Variants in PAPPA2 observed in about 807,000 individuals in gnomAD.
PAPPA2 encodes pappalysin-2.
In PAPPA2, 86 loss-of-function variants were observed where a neutral mutation model predicts 176.4. The observed-to-expected ratio is 0.49, with a 90% CI of 0.41 to 0.58. PAPPA2 has a LOEUF of 0.58. Among genes scored for constraint, PAPPA2 ranks in the 20% least tolerant of loss-of-function variants. The pLI is 0.00. For missense variants in PAPPA2, 2,073 were observed against 2,256.9 expected, an observed-to-expected ratio of 0.92 and a Z score of 1.65; for synonymous variants, 809 against 852.2, an observed-to-expected ratio of 0.95 and a Z score of 0.88.
At chr1:176,827,783 C>T (rs535989492) in intron 21 of PAPPA2, among the ~76,000 whole-genome samples, 24 of 152,018 alleles carry the variant, frequency 1.6e-4, no homozygotes, top group African/African-American at 5.5e-4. Flanking sequence ...ATCAAATATC[C>T]CAGGATTCTA....
chr1:176,628,759 A>G (rs1292882839), intron 3 of PAPPA2, among the ~76,000 whole-genome samples: 1 of 152,222 alleles, frequency 6.6e-6, no homozygotes, highest in Non-Finnish European at 1.5e-5. Flanking sequence ...CATTTGCTTT[A>G]TCATTTGGAA....
chr1:176,713,678 C>G (rs1008246630), intron 12 of PAPPA2, among the ~76,000 whole-genome samples: 9 of 151,818 alleles, frequency 5.9e-5, no homozygotes, highest in Non-Finnish European at 1.0e-4. Context: ...CTGTTCAGTC[C>G]CCCCAGGCCC....
chr1:176,648,966 T>C (rs1254838979), intron 3 of PAPPA2, among the ~76,000 whole-genome samples: 1 of 151,600 alleles, frequency 6.6e-6, no homozygotes, highest in East Asian at 1.9e-4. Context: ...TTGGAAGTAT[T>C]CTCTCCTCTT....
intron 1 of PAPPA2, among the ~76,000 whole-genome samples, chr1:176,517,209 C>T (rs994834690): frequency 6.6e-6 from 1 of 152,106 alleles, no homozygotes; most frequent in African/African-American, 2.4e-5. Flanking sequence ...GCCTGCCTTG[C>T]TTTGACTGGT....
At chr1:176,686,218 G>A (rs1282994461) in intron 4 of PAPPA2, among the ~76,000 whole-genome samples, 2 of 152,060 alleles carry the variant, frequency 1.3e-5, no homozygotes, top group African/African-American at 4.8e-5. Flanking sequence ...ATTAAGGGAG[G>A]GTGTTTAATT....
chr1:176,604,125 G>C (rs1463649936), intron 3 of PAPPA2, among the ~76,000 whole-genome samples: 1 of 152,110 alleles, frequency 6.6e-6, no homozygotes, highest in African/African-American at 2.4e-5. Flanking sequence ...TTTCTACACA[G>C]CTAACTTTCC....
At chr1:176,692,373 A>G (rs1660160254) in intron 6 of PAPPA2, 55 bp downstream of exon 6, 1 of 1,484,582 alleles carries the variant, frequency 6.7e-7, no homozygotes, top group Non-Finnish European at 9.3e-7. Flanking sequence ...GGCATTTCAT[A>G]TGAATGAGGG....
chr1:176,645,259 C>G (rs1043955410), intron 3 of PAPPA2, among the ~76,000 whole-genome samples: 4 of 151,756 alleles, frequency 2.6e-5, no homozygotes, highest in Non-Finnish European at 5.9e-5. Context: ...TCTATCATTC[C>G]TGGCCTCTGG....
chr1:176,740,729 T>C (rs1040984111), intron 14 of PAPPA2, among the ~76,000 whole-genome samples: 1 of 152,192 alleles, frequency 6.6e-6, no homozygotes. Flanking sequence ...TGAGGTTCAC[T>C]AGCATCTCAG....
chr1:176,573,514 A>T (rs1288580401), intron 2 of PAPPA2, among the ~76,000 whole-genome samples: 1 of 152,230 alleles, frequency 6.6e-6, no homozygotes, highest in Non-Finnish European at 1.5e-5. Context: ...CTTGAAGGTT[A>T]TTAAAAATGA....
chr1:176,789,996 A>G lies in PAPPA2; in HGVS notation c.4884+19A>G. ...TGAAAAGGTAAGGAACATTTTTTGAACTTATTTTCATCAGGCTGTGCTCTA... is the reference window on the plus strand; with the variant it reads ...TGAAAAGGTAAGGAACATTTTTTGAGCTTATTTTCATCAGGCTGTGCTCTA... On this transcript the variant is annotated intron_variant, in intron 18 of 22. Coordinates refer to ENST00000367662, the MANE Select transcript of PAPPA2 (RefSeq NM_020318.3). The G allele has an allele frequency of 1.2e-6, 2 of 1,611,226 alleles. No individual in the cohort carries two copies. The highest frequency in any genetic ancestry group is 1.7e-6 in the Non-Finnish European group (2 of 1,177,926).
chr1:176,785,620 C>A (rs978317194), intron 17 of PAPPA2, among the ~76,000 whole-genome samples: 2 of 152,122 alleles, frequency 1.3e-5, no homozygotes, highest in Non-Finnish European at 2.9e-5. Flanking sequence ...AGTCTGGGTC[C>A]GGTGTAACTG....
chr1:176,531,213 G>A (rs1649787504), intron 1 of PAPPA2, among the ~76,000 whole-genome samples: 1 of 152,206 alleles, frequency 6.6e-6, no homozygotes, highest in Non-Finnish European at 1.5e-5. Context: ...GATTCTGCCT[G>A]TTTCCAGTAG....
chr1:176,643,771 A>G (rs1204800583), intron 3 of PAPPA2, among the ~76,000 whole-genome samples: 2 of 151,832 alleles, frequency 1.3e-5, no homozygotes, highest in Non-Finnish European at 2.9e-5. Flanking sequence ...TCAGCCAACA[A>G]ACGATCCTCA....
Position 176,670,963 on chromosome 1 carries a change from T to G in PAPPA2, c.1992-7T>G. 6.2e-7 allele frequency: 1 copy of G among 1,613,100 alleles called. No homozygotes were observed. Among genetic ancestry groups the G allele is most frequent in the Non-Finnish European group, 8.5e-7 (1 of 1,179,504 alleles). On this transcript the variant is annotated splice_polypyrimidine_tract_variant and splice_region_variant and intron_variant, in intron 3 of 22. Coordinates refer to ENST00000367662, the MANE Select transcript of PAPPA2 (RefSeq NM_020318.3). ...TGTGACATTTTTTCATCTTGCATGC[T>G]CTCTAGGGCATACATGAGTGTGAAG...
At chr1:176,712,034 T>C (rs1222544656) in intron 12 of PAPPA2, 53 bp downstream of exon 12, 1 of 1,452,312 alleles carries the variant, frequency 6.9e-7, no homozygotes, top group Non-Finnish European at 9.4e-7. Context: ...AGCATATGTG[T>C]GTGTGTGTGT....
At chr1:176,831,429 G>C (rs1258210747) in intron 21 of PAPPA2, among the ~76,000 whole-genome samples, 1 of 152,204 alleles carries the variant, frequency 6.6e-6, no homozygotes, top group Non-Finnish European at 1.5e-5. Flanking sequence ...CTGTCCTTAA[G>C]GAGCCAGGCT....
intron 4 of PAPPA2, among the ~76,000 whole-genome samples, chr1:176,674,936 T>C (rs1048110770): frequency 6.6e-6 from 1 of 152,046 alleles, no homozygotes; most frequent in African/African-American, 2.4e-5. Context: ...CACATCAACA[T>C]CTATTATTTT....
At chr1:176,838,674 C>G (rs559012830) in intron 21 of PAPPA2, among the ~76,000 whole-genome samples, 2 of 152,324 alleles carry the variant, frequency 1.3e-5, no homozygotes, top group East Asian at 3.9e-4. Context: ...TTCTCTAGAG[C>G]CAGAATAACT....
Sources: gnomAD v4.1 joint callset for allele counts (sites outside exome capture counted in the v4.1 genomes callset) on GRCh38, gnomAD v4.1.1 for gene constraint, MANE v1.5 for transcripts, NCBI Gene and HGNC (gene_info 2026-07-23, HGNC 2026-07-21) for gene names.